Variants in MGAT4C observed in about 807,000 individuals in gnomAD.
The protein encoded by MGAT4C is alpha-1,3-mannosyl-glycoprotein 4-beta-N-acetylglucosaminyltransferase C.
Under a neutral mutation model 40.1 loss-of-function variants are expected in MGAT4C, and 19 were observed. The ratio of observed to expected loss-of-function variants is 0.47; its 90% confidence interval spans 0.33 to 0.70. The LOEUF is 0.70. Ranked by LOEUF, MGAT4C falls within the 30% of genes least tolerant of loss-of-function variation. The probability of loss-of-function intolerance (pLI) is 0.02; values close to 1 mark genes in which losing one functional copy is unlikely to be tolerated. For missense variants in MGAT4C, 491 were observed against 563.2 expected (o/e 0.87, Z 1.30); for synonymous variants, 181 against 187.1 (o/e 0.97, Z 0.27).
At chr12:86,466,327 G>T (rs1957682511) in intron 2 of MGAT4C, among the ~76,000 whole-genome samples, 1 of 152,170 alleles carries the variant, frequency 6.6e-6, no homozygotes, top group Non-Finnish European at 1.5e-5. Context: ...CTATACTGTG[G>T]TACATCCAGT....
intron 1 of MGAT4C, among the ~76,000 whole-genome samples, chr12:86,732,919 A>G (rs1456931748): frequency 6.6e-6 from 1 of 151,656 alleles, no homozygotes; most frequent in Non-Finnish European, 1.5e-5. Context: ...AAATTGCTTC[A>G]TTTTTAACAT....
intron 2 of MGAT4C, among the ~76,000 whole-genome samples, chr12:86,473,974 A>AT (rs1957793216): frequency 6.6e-6 from 1 of 152,072 alleles, no homozygotes; most frequent in East Asian, 1.9e-4. Context: ...TGTGTCACAG[A>AT]TTTTTTGTTT....
intron 1 of MGAT4C, among the ~76,000 whole-genome samples, chr12:86,229,096 A>T (rs1234543304): frequency 6.6e-6 from 1 of 151,930 alleles, no homozygotes; most frequent in Non-Finnish European, 1.5e-5. Flanking sequence ...AATATTAATG[A>T]TCATAAGGAA....
At chr12:86,586,871 G>A (rs1341106291) in intron 2 of MGAT4C, among the ~76,000 whole-genome samples, 1 of 151,976 alleles carries the variant, frequency 6.6e-6, no homozygotes, top group African/African-American at 2.4e-5. Context: ...CAGATGAGTA[G>A]GTTGCGAAAA....
At chr12:86,529,692 C>T (rs1220027826) in intron 2 of MGAT4C, among the ~76,000 whole-genome samples, 6 of 151,782 alleles carry the variant, frequency 4.0e-5, no homozygotes, top group Non-Finnish European at 5.9e-5. Context: ...TTTTATGTTT[C>T]CATAGCAGAA....
chr12:86,834,970 C>T (rs950796437), intron 1 of MGAT4C, among the ~76,000 whole-genome samples: 2 of 151,836 alleles, frequency 1.3e-5, no homozygotes, highest in African/African-American at 4.8e-5. Flanking sequence ...TTGGTGGCTC[C>T]CTTTTGTACA....
chr12:86,394,553 TTATATATTTA>T (rs1038573626), intron 3 of MGAT4C, among the ~76,000 whole-genome samples: 9 of 143,296 alleles, frequency 6.3e-5, no homozygotes, highest in South Asian at 2.1e-4. Context: ...TTATATATAT[TTATATATTTA>T]TATATATTTA....
In MGAT4C at chr12:86,594,113, G is replaced by A. The variant is rs1961439233; in HGVS notation, c.-229+133096C>T. On this transcript the variant is annotated intron_variant, in intron 2 of 7. Coordinates refer to the MGAT4C transcript ENST00000548651. ...GTAGATCGTCTGCCTCTTAAGTAGG[G>A]AGTGAGAAGAACAACGGTGCTTCCA... is the stretch of plus-strand genomic sequence containing the variant. Among the ~76,000 whole-genome samples the A allele has an allele frequency of 2.0e-5, 3 of 152,270 alleles. No homozygotes were observed. The South Asian group carries it at 6.2e-4, about 32-fold the overall frequency.
rs117771916 is a variant in MGAT4C, at chr12:86,468,739, A to C, written c.-228-33474T>G. 4.8e-3 allele frequency among the ~76,000 whole-genome samples: 736 copies of C among 152,172 alleles called. 3 individuals carry two copies. Among genetic ancestry groups the C allele is most frequent in the Middle Eastern group, 0.027 (8 of 292 alleles). On this transcript the variant is annotated intron_variant, in intron 2 of 7. Coordinates refer to the MGAT4C transcript ENST00000548651. ...TGGCTGTTTCAGACATAGCAAGCAT[A>C]TTCCCATTTTATTACCTTTACCCCA... is the stretch of plus-strand genomic sequence containing the variant.
chr12:86,296,906 C>T (rs768864630), intron 4 of MGAT4C, among the ~76,000 whole-genome samples: 4 of 152,244 alleles, frequency 2.6e-5, no homozygotes, highest in Non-Finnish European at 4.4e-5. Context: ...GCAGAGGAAG[C>T]GCCCAGAGCG....
Position 85,979,724 on chromosome 12 carries a change from T to C in MGAT4C, c.1002A>G (p.Ser334=), listed in dbSNP as rs1343619594. Residue 334 remains serine, a synonymous_variant, in exon 5 of 5, where the codon TCA becomes TCG. Coordinates refer to ENST00000611864, the MANE Select transcript of MGAT4C (RefSeq NM_001351288.2). ...KLKDDDFEEE[S]FDIPDNPPAS... ...CAGGGGGGTTATCAGGAATGTCAAATGACTCCTCTTCAAAATCATCATCCT... is the reference window on the plus strand; with the variant it reads ...CAGGGGGGTTATCAGGAATGTCAAACGACTCCTCTTCAAAATCATCATCCT... 6 of 1,613,512 alleles carry C rather than the reference T, an allele frequency of 3.7e-6. No individual in the cohort carries two copies. The highest frequency in any genetic ancestry group is 2.7e-5 in the African/African-American group (2 of 74,996).
Position 86,273,908 on chromosome 12 carries a change from G to A in MGAT4C, c.-57+60157C>T, listed in dbSNP as rs539720050. Among the ~76,000 whole-genome samples, 79 of 152,270 alleles carry A rather than the reference G, an allele frequency of 5.2e-4. 1 individual carries two copies. The highest frequency in any genetic ancestry group is 1.5e-3 in the Admixed American group (23 of 15,292). On this transcript the variant is annotated intron_variant, in intron 4 of 7. Transcript: ENST00000548651. ...TGGTACTTGCACCTTGTATTAGACCGTTCTGGCATTGCTATAAAAAAATAC... is the reference window on the plus strand; with the variant it reads ...TGGTACTTGCACCTTGTATTAGACCATTCTGGCATTGCTATAAAAAAATAC...
At chr12:86,272,757 T>C (rs867370728) in intron 4 of MGAT4C, among the ~76,000 whole-genome samples, 7 of 152,144 alleles carry the variant, frequency 4.6e-5, no homozygotes, top group Middle Eastern at 3.4e-3. Context: ...GAGGCTGCAC[T>C]GGGAGGGTCA....
chr12:86,249,621 T>C (rs1227947772), intron 1 of MGAT4C, among the ~76,000 whole-genome samples: 1 of 152,178 alleles, frequency 6.6e-6, no homozygotes, highest in Non-Finnish European at 1.5e-5. Context: ...TCCTTACTGG[T>C]TATTTACAAT....
In MGAT4C at chr12:86,679,103, C is replaced by T. The variant is rs375034897; in HGVS notation, c.-229+48106G>A. Among the ~76,000 whole-genome samples, 5 of 152,074 alleles carry T rather than the reference C, an allele frequency of 3.3e-5. No homozygotes were observed. The East Asian group carries it at 9.6e-4, about 29-fold the overall frequency. On this transcript the variant is annotated intron_variant, in intron 2 of 7. Transcript: ENST00000548651. ...CTCTCCAGTACCTGTTGTTTCCTGA[C>T]TTTTTAATGATCGCCATTCTAACTG...
Position 85,957,371 on chromosome 12 carries a change from T to C in MGAT4C, c.*21918A>G, listed in dbSNP as rs1466399597. The C allele has an allele frequency of 6.6e-6, 1 of 152,202 alleles. No homozygotes were observed. Among genetic ancestry groups the C allele is most frequent in the Non-Finnish European group, 1.5e-5 (1 of 68,046 alleles). 9.4% of individuals were successfully genotyped at this position (152,202 alleles called of 1,614,324 possible). A position where few individuals can be genotyped will look rare whatever the true frequency, so the allele number is the denominator to read the frequency against. ...AGAAATTAATTATATTTGGGTCTCA[T>C]TGAAGGGCATGGGCCAGAGATATGC... On this transcript the variant is annotated 3_prime_UTR_variant, in exon 5 of 5. Transcript: ENST00000611864.
intron 2 of MGAT4C, among the ~76,000 whole-genome samples, chr12:86,537,176 A>T (rs569599213): frequency 1.3e-5 from 2 of 152,008 alleles, no homozygotes; most frequent in African/African-American, 4.8e-5. Context: ...AACAATGAGA[A>T]CACATGGACA....
chr12:86,611,419 G>A (rs1329292076), intron 2 of MGAT4C, among the ~76,000 whole-genome samples: 2 of 150,870 alleles, frequency 1.3e-5, no homozygotes, highest in East Asian at 3.9e-4. Context: ...TAGGTAGGTA[G>A]GTAGATAGAT....
chr12:86,836,333 C>T (rs1472082227), intron 1 of MGAT4C, among the ~76,000 whole-genome samples: 1 of 151,966 alleles, frequency 6.6e-6, no homozygotes, highest in Non-Finnish European at 1.5e-5. Context: ...GCTTCATTTC[C>T]TCCCTCTGTG....
Sources: allele counts gnomAD v4.1 joint callset (sites outside exome capture counted in the v4.1 genomes callset), GRCh38; gene constraint gnomAD v4.1.1; transcripts MANE v1.5; gene names NCBI Gene and HGNC (gene_info 2026-07-23, HGNC 2026-07-21).